Variants in CFAP61 observed in about 807,000 individuals in gnomAD.
CFAP61 encodes cilia and flagella associated protein 61, also known as cilia- and flagella-associated protein 61.
A neutral mutation model predicts 135.6 loss-of-function variants in CFAP61; 107 were observed. The ratio of observed to expected loss-of-function variants is 0.79; its 90% CI spans 0.67 to 0.93. The LOEUF (loss-of-function observed/expected upper bound fraction) is 0.93. Among genes scored for constraint, CFAP61 ranks in the 40% least tolerant of loss-of-function variants. The pLI, the probability that CFAP61 is intolerant of heterozygous loss-of-function variation, is 0.00. For synonymous variants in CFAP61, 575 were observed against 578.5 expected (o/e 0.99, Z 0.09); for missense variants, 1,507 against 1,556.2 (o/e 0.97, Z 0.53).
At chr20:20,079,886 G>A (rs906771567) in intron 6 of CFAP61, among the ~76,000 whole-genome samples, 4 of 152,058 alleles carry the variant, frequency 2.6e-5, no homozygotes, top group Admixed American at 2.6e-4. Context: ...TTTTATTCCT[G>A]ATTTATAAAG....
chr20:20,250,432 C>T (rs544409429), intron 19 of CFAP61, among the ~76,000 whole-genome samples: 2 of 152,146 alleles, frequency 1.3e-5, no homozygotes, highest in African/African-American at 4.8e-5. Flanking sequence ...CAGCACAGAC[C>T]ATGGCAGGGT....
intron 25 of CFAP61, among the ~76,000 whole-genome samples, chr20:20,302,931 A>C (rs1157171181): frequency 2.0e-5 from 3 of 152,172 alleles, no homozygotes; most frequent in African/African-American, 7.2e-5. Flanking sequence ...TAATGCTTTC[A>C]AATATAAACT....
chr20:20,281,458 C>T (rs746854013), intron 22 of CFAP61, among the ~76,000 whole-genome samples: 39 of 152,068 alleles, frequency 2.6e-4, no homozygotes, highest in Non-Finnish European at 3.4e-4. Flanking sequence ...TTATCATGAA[C>T]GGCTGTTGAA....
intron 26 of CFAP61, among the ~76,000 whole-genome samples, chr20:20,354,988 C>CAG (rs1455786909): frequency 7.2e-6 from 1 of 139,424 alleles, no homozygotes; most frequent in African/African-American, 2.8e-5. Context: ...GGGAGGTGGT[C>CAG]ACACTGAGGG....
chr20:20,168,158 A>G (rs1479202486), intron 12 of CFAP61, among the ~76,000 whole-genome samples: 2 of 152,114 alleles, frequency 1.3e-5, no homozygotes, highest in African/African-American at 2.4e-5. Context: ...TGCTGCCTCA[A>G]ACTCCTTGGC....
chr20:20,262,897 A>G (rs2052382779), intron 20 of CFAP61, 59 bp from the exon 21 acceptor site: 3 of 1,101,248 alleles, frequency 2.7e-6, no homozygotes, highest in Non-Finnish European at 3.8e-6. Context: ...TTTTTTTTTA[A>G]CCACTGTCAC....
intron 13 of CFAP61, among the ~76,000 whole-genome samples, chr20:20,172,832 GTGT>G (rs758249158): frequency 3.9e-5 from 6 of 152,128 alleles, no homozygotes; most frequent in Admixed American, 2.6e-4. Context: ...TTCGCTGTTG[GTGT>G]TGTACATCCT....
chr20:20,138,768 T>C (rs896364645), intron 8 of CFAP61, among the ~76,000 whole-genome samples: 3 of 152,240 alleles, frequency 2.0e-5, no homozygotes, highest in African/African-American at 7.2e-5. Flanking sequence ...TGGAAGCTTC[T>C]ATTTGATCAT....
chr20:20,129,291 A>G (rs1046847213), intron 8 of CFAP61, among the ~76,000 whole-genome samples: 4 of 151,918 alleles, frequency 2.6e-5, no homozygotes, highest in Middle Eastern at 3.4e-3. Flanking sequence ...TTTATTTGGG[A>G]AAGCCTTTTA....
At position 20,056,930 on chromosome 20, in the gene CFAP61, C is replaced by T. The variant is rs1408122211; in HGVS notation, c.143+134C>T. 4.0e-5 allele frequency: 29 copies of T among 730,054 alleles called. 1 individual carries two copies. Among genetic ancestry groups the T allele is most frequent in the South Asian group, 3.1e-4 (18 of 57,918 alleles). 45.2% of individuals were successfully genotyped at this position (730,054 alleles called of 1,614,324 possible). Reference sequence around the variant, plus strand: ...GCCAGGAGTTCAAGACCAGCCTGGCCGACATGGCAAAACCTCATCTCTACT... The same window carrying T: ...GCCAGGAGTTCAAGACCAGCCTGGCTGACATGGCAAAACCTCATCTCTACT... On this transcript the variant is annotated intron_variant, in intron 2 of 26. Transcript: ENST00000245957.
In CFAP61 at chr20:20,098,711, G is replaced by A. The variant is rs1417474199; in HGVS notation, c.756G>A (p.Leu252=). The stretch of plus-strand genomic sequence containing the variant: ...TGTGCTCAAGAGTGAACATGCAACT[G>A]CTGCATGAGTGCTTTGACTTGGGCC... ...MSVCSRVNMQ[L]LHECFDLGPF... The change falls in exon 8 of 27, where the codon CTG becomes CTA. Residue 252 remains leucine, a synonymous_variant. Coordinates refer to ENST00000245957, the MANE Select transcript of CFAP61 (RefSeq NM_015585.4). 1 of 1,613,580 alleles carries A rather than the reference G, an allele frequency of 6.2e-7. No individual in the cohort carries two copies. The highest frequency in any genetic ancestry group is 1.3e-5 in the African/African-American group (1 of 74,878).
intron 25 of CFAP61, among the ~76,000 whole-genome samples, chr20:20,330,019 A>G (rs1164017956): frequency 4.6e-5 from 7 of 152,216 alleles, no homozygotes. Context: ...ATTTGAAATG[A>G]TGCTCACAGG....
intron 13 of CFAP61, among the ~76,000 whole-genome samples, chr20:20,177,354 T>G (rs1341586691): frequency 2.6e-5 from 4 of 152,038 alleles, no homozygotes; most frequent in Admixed American, 6.6e-5. Context: ...CTGTAGGACA[T>G]GTACTGGCTC....
chr20:20,085,635 A>G lies in CFAP61; in HGVS notation c.567-5209A>G, dbSNP rs565603529. The G allele has an allele frequency of 7.0e-5, 45 of 642,626 alleles. No homozygotes were observed. The East Asian group carries it at 2.3e-3, about 32-fold the overall frequency. 39.8% of individuals were successfully genotyped at this position (642,626 alleles called of 1,614,324 possible). On this transcript the variant is annotated intron_variant, in intron 6 of 26. Transcript: ENST00000245957. ...ACCTTTATTCCTGATGTTTATAGCTACAGAGTAATATTTCTGTGTCCATCG... is the reference window on the plus strand; with the variant it reads ...ACCTTTATTCCTGATGTTTATAGCTGCAGAGTAATATTTCTGTGTCCATCG...
chr20:20,178,237 A>C (rs2054783404), intron 13 of CFAP61, among the ~76,000 whole-genome samples: 1 of 152,124 alleles, frequency 6.6e-6, no homozygotes. Context: ...AACATTTCCT[A>C]ATGTTTATGT....
chr20:20,142,215 A>T (rs2051459976), intron 8 of CFAP61, among the ~76,000 whole-genome samples: 1 of 152,214 alleles, frequency 6.6e-6, no homozygotes, highest in Non-Finnish European at 1.5e-5. Context: ...AGCTACCCTG[A>T]TTATTGACTT....
chr20:20,356,113 C>T (rs1409136675), intron 26 of CFAP61, among the ~76,000 whole-genome samples: 5 of 18,296 alleles, frequency 2.7e-4, no homozygotes, highest in Non-Finnish European at 1.2e-3. Flanking sequence ...GAGGTGGTCA[C>T]ACTGAGGGGA....
rs907117407 is a variant in CFAP61 at position 20,080,951 on chromosome 20, G to A, written c.566+5336G>A. 1.1e-4 allele frequency among the ~76,000 whole-genome samples: 17 copies of A among 151,830 alleles called. No individual in the cohort carries two copies. In the East Asian group the frequency reaches 2.5e-3, roughly 23 times the overall value. The stretch of plus-strand genomic sequence containing the variant: ...TGGGAGGCGGAGGTTGCAGTGATCC[G>A]AGATTGTGCCATTGTACTCCAGCCT... On this transcript the variant is annotated intron_variant, in intron 6 of 26. Coordinates refer to ENST00000245957, the MANE Select transcript of CFAP61 (RefSeq NM_015585.4).
In CFAP61 at chr20:20,360,336, G is replaced by T. The variant is rs1432897414; in HGVS notation, c.3640G>T (p.Glu1214Ter). The T allele has an allele frequency of 3.7e-6, 6 of 1,613,886 alleles. No homozygotes were observed. Among genetic ancestry groups the T allele is most frequent in the Non-Finnish European group, 5.1e-6 (6 of 1,180,018 alleles). ...FEESIYKTLV[E>*]RSTLDYLHYN... Reference sequence around the variant, plus strand: ...GGAATCCATCTACAAAACCCTGGTGGAGAGAAGCACTCTTGACTACCTGCA... The same window carrying T: ...GGAATCCATCTACAAAACCCTGGTGTAGAGAAGCACTCTTGACTACCTGCA... The change falls in exon 27 of 27, where the codon GAG becomes TAG. Residue 1214 changes from glutamate (E) to a stop codon, truncating the protein, a stop_gained. Transcript: ENST00000245957. LOFTEE classifies it high-confidence loss of function.
Sources: allele counts gnomAD v4.1 joint callset (sites outside exome capture counted in the v4.1 genomes callset), GRCh38; gene constraint gnomAD v4.1.1; transcripts MANE v1.5; gene names NCBI Gene and HGNC (gene_info 2026-07-23, HGNC 2026-07-21).